DDX17: variants seen among roughly 807,000 people sequenced by gnomAD.
DDX17 encodes DEAD-box helicase 17, also known as probable ATP-dependent RNA helicase DDX17.
DDX17 carries 10 observed loss-of-function variants against 80.8 expected under a neutral mutation model. The observed-to-expected ratio is 0.12, with a 90% CI of 0.08 to 0.21. DDX17 has a LOEUF of 0.21. Ranked by LOEUF, DDX17 falls within the 10% of genes least tolerant of loss-of-function variation. The pLI is 1.00. For synonymous variants in DDX17, 339 were observed against 336.2 expected, an observed-to-expected ratio of 1.01 and a Z score of -0.09; for missense variants, 586 against 957.4, an observed-to-expected ratio of 0.61 and a Z score of 5.12.
At chr22:38,501,385 C>CT in intron 1 of DDX17, 105 bp from the exon 2 acceptor site, 2 of 1,336,768 alleles carry the variant, frequency 1.5e-6, no homozygotes, top group Middle Eastern at 1.9e-4. Context: ...TACTACCAGC[C>CT]TACCTCCAAA....
At chr22:38,501,639 G>C (rs890137031) in intron 1 of DDX17, among the ~76,000 whole-genome samples, 5 of 152,152 alleles carry the variant, frequency 3.3e-5, no homozygotes, top group Admixed American at 1.3e-4. Context: ...ACACACCTTA[G>C]TTTCCTATGC....
At chr22:38,505,480 G>C (rs187651271) in intron 1 of DDX17, 1 of 158,700 alleles carries the variant, frequency 6.3e-6, no homozygotes, top group Non-Finnish European at 1.4e-5. Context: ...GTGAACTCTG[G>C]GGAGAGAACG....
chr22:38,493,694 TTA>T lies in DDX17; in HGVS notation c.1387+14_1387+15del, dbSNP rs2089734759. The T allele has an allele frequency of 6.2e-7, 1 of 1,600,600 alleles. No homozygotes were observed. The highest frequency in any genetic ancestry group is 1.7e-5 in the Admixed American group (1 of 59,898). ...GGGGTGGGGAATCAACAGAAAATGC[TTA>T]GTTTTAAACTTACCATTAAGTACCC... is the stretch of plus-strand genomic sequence containing the variant. On this transcript the variant is annotated intron_variant, in intron 10 of 12. Coordinates refer to ENST00000403230, the MANE Select transcript of DDX17 (RefSeq NM_006386.5).
At chr22:38,497,877 AAGACTTTGGTTCAAAT>A (rs946183568) in intron 5 of DDX17, among the ~76,000 whole-genome samples, 192 bp downstream of exon 5, 3 of 152,214 alleles carry the variant, frequency 2.0e-5, no homozygotes, top group African/African-American at 7.2e-5. Flanking sequence ...CTTTAAGAGT[AAGACTTTGGTTCAAAT>A]GTAAGCTCAG....
chr22:38,485,831 G>T lies in DDX17; in HGVS notation c.*104C>A. On this transcript the variant is annotated 3_prime_UTR_variant, in exon 13 of 13. Transcript: ENST00000403230. ...GGGGGAAAAATTAAAAAAAAAAAAAGAAAAAAGGAAAAAAAAAGAAAAGGC... is the reference window on the plus strand; with the variant it reads ...GGGGGAAAAATTAAAAAAAAAAAAATAAAAAAGGAAAAAAAAAGAAAAGGC... 1.8e-5 allele frequency: 22 copies of T among 1,200,308 alleles called. No homozygotes were observed. The highest frequency in any genetic ancestry group is 2.3e-5 in the Non-Finnish European group (21 of 930,708). The allele number at this position is 1,200,308 out of a possible 1,614,324, so 74.4% of individuals were successfully genotyped here. A position where few individuals can be genotyped will look rare whatever the true frequency, so the allele number is the denominator to read the frequency against.
In DDX17 at chr22:38,498,634, T is replaced by A. The variant is rs1602681570; in HGVS notation, c.539-61A>T. 3.8e-6 allele frequency: 6 copies of A among 1,578,172 alleles called. No homozygotes were observed. In the East Asian group the frequency reaches 1.1e-4, roughly 30 times the overall value. ...TTTAAAGACACAAACCAAGAGTTTT[T>A]AAAAAAACTTTTAAGCTCACTGAAG... is the stretch of plus-strand genomic sequence containing the variant. On this transcript the variant is annotated intron_variant, in intron 3 of 12. Coordinates refer to ENST00000403230, the MANE Select transcript of DDX17 (RefSeq NM_006386.5).
intron 10 of DDX17, 89 bp from the exon 11 acceptor site, chr22:38,492,204 T>C: frequency 9.1e-7 from 1 of 1,103,984 alleles, no homozygotes; most frequent in South Asian, 1.6e-5. Flanking sequence ...CAAATAATGG[T>C]GCCAGAAAAT....
At chr22:38,492,334 G>A (rs1192029397) in intron 10 of DDX17, among the ~76,000 whole-genome samples, 2 of 152,114 alleles carry the variant, frequency 1.3e-5, no homozygotes, top group Non-Finnish European at 2.9e-5. Flanking sequence ...GTGGCAATTT[G>A]TTACATAATT....
chr22:38,505,770 T>C (rs2145717102), intron 1 of DDX17, 181 bp downstream of exon 1: 4 of 746,208 alleles, frequency 5.4e-6, no homozygotes, highest in African/African-American at 1.9e-5. Flanking sequence ...GCCGCCCTCC[T>C]CGGGTCCCGA....
At chr22:38,504,933 G>A (rs979099898) in intron 1 of DDX17, among the ~76,000 whole-genome samples, 1 of 152,260 alleles carries the variant, frequency 6.6e-6, no homozygotes. Context: ...CGGGGGAGAC[G>A]GAGTTTCGCT....
intron 5 of DDX17, among the ~76,000 whole-genome samples, chr22:38,496,989 G>A (rs1265494957): frequency 6.6e-6 from 1 of 152,022 alleles, no homozygotes; most frequent in East Asian, 1.9e-4. Context: ...TAGGACAAAT[G>A]CAAGCTTATT....
chr22:38,504,994 C>G (rs1293335132), intron 1 of DDX17, among the ~76,000 whole-genome samples: 1 of 152,206 alleles, frequency 6.6e-6, no homozygotes, highest in Non-Finnish European at 1.5e-5. Context: ...CTGCAACCTC[C>G]TCCCCCCGGG....
At chr22:38,496,258 T>C (rs2089765759) in intron 5 of DDX17, among the ~76,000 whole-genome samples, 2 of 152,304 alleles carry the variant, frequency 1.3e-5, no homozygotes, top group East Asian at 3.9e-4. Flanking sequence ...AGTATACAAC[T>C]CTCATTTACA....
chr22:38,488,414 G>A, intron 11 of DDX17: 2 of 1,258,622 alleles, frequency 1.6e-6, no homozygotes, highest in Non-Finnish European at 2.0e-6. Context: ...TATACTGACA[G>A]GAGTTACACC....
intron 1 of DDX17, among the ~76,000 whole-genome samples, chr22:38,502,033 C>A (rs760047358): frequency 3.3e-5 from 5 of 152,226 alleles, no homozygotes; most frequent in Non-Finnish European, 7.3e-5. Flanking sequence ...GATAAGCACT[C>A]CACCTGTCTG....
chr22:38,486,294 C>T lies in DDX17; in HGVS notation c.1831G>A (p.Ala611Thr), dbSNP rs902750603. Residue 611 changes from alanine (A) to threonine (T), a missense_variant, in exon 13 of 13, where the codon GCT (alanine) becomes ACT (threonine). Transcript: ENST00000403230. ...TAGCCACTGCCATTAGCATAACCAGCTCTATCGGTTTCACTACGATCCCGA... is the reference window on the plus strand; with the variant it reads ...TAGCCACTGCCATTAGCATAACCAGTTCTATCGGTTTCACTACGATCCCGA... 1 of 1,614,094 alleles carries T rather than the reference C, an allele frequency of 6.2e-7. No homozygotes were observed. The highest frequency in any genetic ancestry group is 8.5e-7 in the Non-Finnish European group (1 of 1,180,054).
At chr22:38,486,558 G>A (rs1229756466) in intron 12 of DDX17, 118 bp from the exon 13 acceptor site, 3 of 1,387,580 alleles carry the variant, frequency 2.2e-6, no homozygotes, top group East Asian at 5.1e-5. Context: ...TAGTTATGCT[G>A]GCCAGCCTCC....
In DDX17 at chr22:38,485,947, A is replaced by C; in HGVS notation, c.2178T>G (p.Pro726=). 6.2e-7 allele frequency: 1 copy of C among 1,613,074 alleles called. No homozygotes were observed. Among genetic ancestry groups the C allele is most frequent in the Non-Finnish European group, 8.5e-7 (1 of 1,179,530 alleles). The change falls in exon 13 of 13, where the codon CCT becomes CCG. Residue 726 remains proline, a synonymous_variant. Coordinates refer to ENST00000403230, the MANE Select transcript of DDX17 (RefSeq NM_006386.5). ...CACTTGAGTGGTTTCATTTACGTGA[A>C]GGAGGAGGAGGGGGAGGAGGAGGAG...
intron 1 of DDX17, among the ~76,000 whole-genome samples, chr22:38,503,486 A>C (rs1014535222): frequency 2.6e-5 from 4 of 152,170 alleles, no homozygotes; most frequent in African/African-American, 4.8e-5. Context: ...TTCTACACTA[A>C]ACATTTAATT....
Sources: allele counts gnomAD v4.1 joint callset (sites outside exome capture counted in the v4.1 genomes callset), GRCh38; gene constraint gnomAD v4.1.1; transcripts MANE v1.5; gene names NCBI Gene and HGNC (gene_info 2026-07-23, HGNC 2026-07-21).